The following NFATC1 variants were observed in gnomAD, a reference collection of about 807,000 sequenced individuals.
The protein encoded by NFATC1 is nuclear factor of activated T-cells, cytoplasmic 1.
NFATC1 carries 22 observed loss-of-function variants against 76.0 expected under a neutral mutation model. That is an observed-to-expected ratio of 0.29 (90% CI 0.21 to 0.41). The LOEUF (loss-of-function observed/expected upper bound fraction) is 0.41. NFATC1 is among the 10% of genes least tolerant of loss of function. The probability of loss-of-function intolerance (pLI) is 1.00; values close to 1 mark genes in which losing one functional copy is unlikely to be tolerated. For missense variants in NFATC1, 1,357 were observed against 1,337.7 expected, an observed-to-expected ratio of 1.01 and a Z score of -0.23; for synonymous variants, 704 against 613.1, an observed-to-expected ratio of 1.15 and a Z score of -2.19.
intron 1 of NFATC1, among the ~76,000 whole-genome samples, chr18:79,397,691 G>A (rs180850048): frequency 6.6e-6 from 1 of 152,252 alleles, no homozygotes; most frequent in Admixed American, 6.5e-5. Context: ...CACTTACGCC[G>A]CAGTGTTCAT....
chr18:79,411,046 C>T lies in NFATC1; in HGVS notation c.771C>T (p.Ser257=). Residue 257 remains serine (S), a synonymous_variant, in exon 2 of 10, where the codon TCC becomes TCT. Transcript: ENST00000427363. ...TEESWLGARS[S]RPASPCNKRK... is the part of the protein sequence containing the mutation. ...AGAGCTGGCTGGGTGCCCGCTCCTC[C>T]AGACCCGCGTCCCCTTGCAACAAGA... 1 of 1,612,042 alleles carries T rather than the reference C, an allele frequency of 6.2e-7. No homozygotes were observed.
chr18:79,483,732 G>GT (rs200445331), intron 8 of NFATC1, among the ~76,000 whole-genome samples: 6 of 139,436 alleles, frequency 4.3e-5, no homozygotes, highest in Admixed American at 7.0e-5. Flanking sequence ...GCGTGACCTG[G>GT]TCCTGGGGTG....
intron 9 of NFATC1, among the ~76,000 whole-genome samples, chr18:79,507,120 G>A (rs1482054968): frequency 4.6e-5 from 7 of 152,352 alleles, no homozygotes; most frequent in African/African-American, 1.4e-4. Context: ...CAGGCACTGC[G>A]GGGAGGGGGT....
intron 6 of NFATC1, among the ~76,000 whole-genome samples, chr18:79,452,460 G>A (rs371763396): frequency 5.9e-4 from 90 of 152,332 alleles, no homozygotes; most frequent in African/African-American, 2.1e-3. Flanking sequence ...CGTCACGCCT[G>A]TGGTTCTGTG....
In NFATC1 at chr18:79,474,971, C is replaced by CGTT. The variant is rs368951030; in HGVS notation, c.2092+7391_2092+7392insTGT. ...AGCGTGTTCTCACGCTCACTGTCGA[C>CGTT]GTAAACCTGAGGGAAGCGTGTTCTC... On this transcript the variant is annotated intron_variant, in intron 8 of 9. Transcript: ENST00000427363. Among the ~76,000 whole-genome samples the CGTT allele has an allele frequency of 1.2e-3, 108 of 89,182 alleles. 5 individuals are homozygous for CGTT. Among genetic ancestry groups the CGTT allele is most frequent in the African/African-American group, 9.7e-3 (96 of 9,870 alleles). The allele number at this position is 89,182 out of a possible 152,430, so 58.5% of individuals were successfully genotyped here.
intron 2 of NFATC1, among the ~76,000 whole-genome samples, chr18:79,413,035 A>G (rs1212692900): frequency 3.9e-5 from 6 of 152,214 alleles, no homozygotes; most frequent in Non-Finnish European, 7.3e-5. Context: ...TGCCTGCTGT[A>G]CTATCACTGT....
intron 1 of NFATC1, among the ~76,000 whole-genome samples, chr18:79,404,975 G>T (rs1437763051): frequency 6.6e-6 from 1 of 152,256 alleles, no homozygotes; most frequent in Non-Finnish European, 1.5e-5. Flanking sequence ...GTGTGGTTCT[G>T]AAGTGAATTA....
At chr18:79,512,210 G>A (rs1036144847) in intron 9 of NFATC1, among the ~76,000 whole-genome samples, 3 of 151,898 alleles carry the variant, frequency 2.0e-5, no homozygotes, top group Admixed American at 6.6e-5. Flanking sequence ...CCCAGGACAC[G>A]GCCTCGCCCC....
At chr18:79,414,886 A>G (rs1347087892) in intron 2 of NFATC1, among the ~76,000 whole-genome samples, 1 of 152,232 alleles carries the variant, frequency 6.6e-6, no homozygotes, top group Non-Finnish European at 1.5e-5. Flanking sequence ...GGAGGAGGCC[A>G]GGGCGAGAGT....
At chr18:79,406,781 C>G (rs549253696) in intron 1 of NFATC1, among the ~76,000 whole-genome samples, 6 of 152,278 alleles carry the variant, frequency 3.9e-5, no homozygotes, top group African/African-American at 9.6e-5. Context: ...GGTCCCCCAC[C>G]GCGCCTTCCT....
intron 8 of NFATC1, chr18:79,469,536 T>C: frequency 2.0e-6 from 2 of 985,602 alleles, no homozygotes; most frequent in Non-Finnish European, 2.4e-6. Context: ...CGTCCTGTCC[T>C]ACCAGCCACA....
At chr18:79,440,986 C>T (rs1300427637) in intron 3 of NFATC1, among the ~76,000 whole-genome samples, 1 of 152,212 alleles carries the variant, frequency 6.6e-6, no homozygotes, top group East Asian at 1.9e-4. Flanking sequence ...GGACCTGCCT[C>T]AAGCCACACC....
chr18:79,509,972 C>T (rs2090204674), intron 9 of NFATC1, among the ~76,000 whole-genome samples: 1 of 152,246 alleles, frequency 6.6e-6, no homozygotes, highest in Non-Finnish European at 1.5e-5. Context: ...GCCATAAAGC[C>T]TCGTTGATCT....
intron 9 of NFATC1, among the ~76,000 whole-genome samples, chr18:79,520,612 T>TGTG (rs2090503844): frequency 3.8e-5 from 2 of 52,844 alleles, no homozygotes; most frequent in Non-Finnish European, 7.0e-5. Context: ...TGTGTGTGTG[T>TGTG]GGGGGGGGCA....
At chr18:79,491,686 AC>A (rs891143925) in intron 9 of NFATC1, among the ~76,000 whole-genome samples, 1 of 152,114 alleles carries the variant, frequency 6.6e-6, no homozygotes, top group African/African-American at 2.4e-5. Flanking sequence ...CCTGGCCGCC[AC>A]CTCCAGGGAC....
At position 79,424,915 on chromosome 18, in the gene NFATC1, CTCTG is replaced by C. The variant is rs1194627555; in HGVS notation, c.1227-8660_1227-8657del. Among the ~76,000 whole-genome samples, 538 of 138,896 alleles carry C rather than the reference CTCTG, an allele frequency of 3.9e-3. 13 individuals carry two copies. The highest frequency in any genetic ancestry group is 0.012 in the African/African-American group (488 of 40,330). The allele number at this position is 138,896 out of a possible 152,430, so 91.1% of individuals were successfully genotyped here. ...TCTCTGTTTCTCCATTTCTCTGTCG[CTCTG>C]TCTCTCTGTGTCTCTCTCTGTCTCT... is the stretch of plus-strand genomic sequence containing the variant. On this transcript the variant is annotated intron_variant, in intron 2 of 9. Transcript: ENST00000427363.
At position 79,486,991 on chromosome 18, in the gene NFATC1, C is replaced by T. The variant is rs1335180920; in HGVS notation, c.2782+54C>T. Reference sequence around the variant, plus strand: ...GCCCCGCCTGGCGCCATGGCGTGAGCTCATGGAGGGGCCGTGTGCGTGCTG... The same window carrying T: ...GCCCCGCCTGGCGCCATGGCGTGAGTTCATGGAGGGGCCGTGTGCGTGCTG... On this transcript the variant is annotated intron_variant, in intron 9 of 9. Coordinates refer to ENST00000427363, the MANE Select transcript of NFATC1 (RefSeq NM_001278669.2). The T allele has an allele frequency of 2.0e-6, 3 of 1,524,052 alleles. No homozygotes were observed. In the South Asian group the frequency reaches 3.8e-5, roughly 19 times the overall value. The allele number at this position is 1,524,052 out of a possible 1,614,324, so 94.4% of individuals were successfully genotyped here. A position where few individuals can be genotyped will look rare whatever the true frequency, so the allele number is the denominator to read the frequency against.
chr18:79,445,262 G>A (rs1426437593), intron 3 of NFATC1, among the ~76,000 whole-genome samples: 2 of 152,238 alleles, frequency 1.3e-5, no homozygotes, highest in Admixed American at 6.5e-5. Flanking sequence ...TGGGTAAGGT[G>A]GGCCTCGTTC....
chr18:79,404,601 C>G (rs975098341), intron 1 of NFATC1, among the ~76,000 whole-genome samples: 1 of 152,232 alleles, frequency 6.6e-6, no homozygotes, highest in African/African-American at 2.4e-5. Context: ...GGTTCAGCCC[C>G]AGCAAGTGCT....
Sources: gnomAD v4.1 joint callset for allele counts (sites outside exome capture counted in the v4.1 genomes callset) on GRCh38, gnomAD v4.1.1 for gene constraint, MANE v1.5 for transcripts, NCBI Gene and HGNC (gene_info 2026-07-23, HGNC 2026-07-21) for gene names.